The following ADIPOR2 variants were observed in gnomAD, a reference collection of about 807,000 sequenced individuals.
The protein encoded by ADIPOR2 is adiponectin receptor protein 2.
ADIPOR2 carries 18 observed loss-of-function variants against 40.9 expected under a neutral mutation model. The observed-to-expected ratio is 0.44, with a 90% confidence interval of 0.30 to 0.65. The LOEUF is 0.65. ADIPOR2 is among the 30% of genes least tolerant of loss of function. The pLI is 0.09. For missense variants in ADIPOR2, 283 were observed against 479.2 expected, an observed-to-expected ratio of 0.59 and a Z score of 3.82; for synonymous variants, 165 against 166.4, an observed-to-expected ratio of 0.99 and a Z score of 0.06.
At chr12:1,718,007 A>G (rs2094691000) in intron 1 of ADIPOR2, among the ~76,000 whole-genome samples, 1 of 152,150 alleles carries the variant, frequency 6.6e-6, no homozygotes, top group Non-Finnish European at 1.5e-5. Context: ...AACTATAGTC[A>G]ATATATAGAT....
intron 1 of ADIPOR2, among the ~76,000 whole-genome samples, chr12:1,711,628 CTCTCTCTCTCTCTT>C (rs1458411436): frequency 0.028 from 4,003 of 144,186 alleles, 196 homozygotes; most frequent in African/African-American, 0.092. Context: ...CTCTCTCTCT[CTCTCTCTCTCTCTT>C]TCTCTCTTTC....
At chr12:1,748,450 G>A (rs373571192) in intron 1 of ADIPOR2, among the ~76,000 whole-genome samples, 29 of 151,972 alleles carry the variant, frequency 1.9e-4, no homozygotes, top group African/African-American at 2.4e-4. Context: ...GGGTTTCACC[G>A]TGTTAGCCAG....
At chr12:1,751,941 TG>T (rs1314880641) in intron 1 of ADIPOR2, among the ~76,000 whole-genome samples, 1 of 151,206 alleles carries the variant, frequency 6.6e-6, no homozygotes, top group African/African-American at 2.4e-5. Flanking sequence ...TTTTTTGAGA[TG>T]GAGTTGCCAG....
At chr12:1,767,046 G>A (rs1169814831) in intron 2 of ADIPOR2, among the ~76,000 whole-genome samples, 5 of 151,920 alleles carry the variant, frequency 3.3e-5, no homozygotes, top group African/African-American at 9.7e-5. Flanking sequence ...GAGGCGGGTG[G>A]ATCACCTGAG....
chr12:1,712,737 A>C (rs773830410), intron 1 of ADIPOR2, among the ~76,000 whole-genome samples: 1 of 152,054 alleles, frequency 6.6e-6, no homozygotes, highest in African/African-American at 2.4e-5. Flanking sequence ...TGCTGTATCC[A>C]GGGATCTGTA....
At chr12:1,695,248 G>T (rs1221369645) in intron 1 of ADIPOR2, among the ~76,000 whole-genome samples, 1 of 151,860 alleles carries the variant, frequency 6.6e-6, no homozygotes, top group Non-Finnish European at 1.5e-5. Context: ...CCAGCTACTT[G>T]GGAGGTTGAG....
intron 2 of ADIPOR2, among the ~76,000 whole-genome samples, chr12:1,766,518 G>A (rs543128538): frequency 5.9e-5 from 9 of 152,280 alleles, no homozygotes; most frequent in African/African-American, 2.2e-4. Flanking sequence ...GTAATGTTGT[G>A]TACTGGTTGA....
At chr12:1,734,663 A>G (rs935643002) in intron 1 of ADIPOR2, among the ~76,000 whole-genome samples, 2 of 152,218 alleles carry the variant, frequency 1.3e-5, no homozygotes, top group African/African-American at 2.4e-5. Flanking sequence ...TGTTTTAGAC[A>G]TGAAGTCCTT....
chr12:1,712,434 C>T (rs886545202), intron 1 of ADIPOR2, among the ~76,000 whole-genome samples: 15 of 152,042 alleles, frequency 9.9e-5, no homozygotes, highest in African/African-American at 3.6e-4. Flanking sequence ...ATTTTGATAG[C>T]CTCTGATATA....
At chr12:1,717,709 GA>G (rs35793748) in intron 1 of ADIPOR2, among the ~76,000 whole-genome samples, 30 of 145,018 alleles carry the variant, frequency 2.1e-4, no homozygotes, top group Admixed American at 4.1e-4. Context: ...CCATCTTAAG[GA>G]AAAAAAAAAA....
intron 2 of ADIPOR2, among the ~76,000 whole-genome samples, chr12:1,760,125 A>T (rs530739870): frequency 6.6e-6 from 1 of 151,916 alleles, no homozygotes; most frequent in East Asian, 1.9e-4. Flanking sequence ...CCAGTGCCTA[A>T]TTTTTTTTGA....
chr12:1,723,551 G>T (rs978230787), intron 1 of ADIPOR2, among the ~76,000 whole-genome samples: 2 of 151,380 alleles, frequency 1.3e-5, no homozygotes, highest in Non-Finnish European at 2.9e-5. Flanking sequence ...ACTGTCGGAA[G>T]AATTGCTTGA....
intron 1 of ADIPOR2, among the ~76,000 whole-genome samples, chr12:1,733,086 C>T (rs1462542185): frequency 1.3e-5 from 2 of 152,118 alleles, no homozygotes; most frequent in Non-Finnish European, 1.5e-5. Context: ...GCTTTCTAGA[C>T]AAGAGTAGCA....
intron 1 of ADIPOR2, among the ~76,000 whole-genome samples, chr12:1,706,070 A>G (rs766283965): frequency 3.3e-5 from 5 of 152,180 alleles, no homozygotes; most frequent in Non-Finnish European, 7.4e-5. Context: ...ACCTTCTCCT[A>G]CAGAGAGATA....
At chr12:1,784,126 C>T (rs1592635978) in intron 7 of ADIPOR2, 53 bp downstream of exon 7, 1 of 1,451,768 alleles carries the variant, frequency 6.9e-7, no homozygotes, top group East Asian at 2.5e-5. Flanking sequence ...GAGTTATTGG[C>T]ATCCTGCAGA....
chr12:1,748,505 C>T (rs180695887), intron 1 of ADIPOR2, among the ~76,000 whole-genome samples: 81 of 152,262 alleles, frequency 5.3e-4, no homozygotes, highest in African/African-American at 1.9e-3. Context: ...ACCTCGGCCT[C>T]CCAAAGTGCT....
intron 1 of ADIPOR2, among the ~76,000 whole-genome samples, chr12:1,715,503 G>A (rs189884494): frequency 3.5e-4 from 53 of 152,174 alleles, no homozygotes; most frequent in Non-Finnish European, 6.8e-4. Context: ...TTTGTTCCCC[G>A]CTACCCTCTC....
At chr12:1,752,279 G>A (rs2094771146) in intron 1 of ADIPOR2, among the ~76,000 whole-genome samples, 1 of 118,118 alleles carries the variant, frequency 8.5e-6, no homozygotes, top group Non-Finnish European at 1.6e-5. Context: ...TGTTGCCCAG[G>A]CTGGAGTGCA....
At position 1,754,376 on chromosome 12, in the gene ADIPOR2, C is replaced by T. The variant is rs774950020; in HGVS notation, c.33C>T (p.Cys11=). The part of the protein sequence containing the change: MNEPTENRLG[C]SRTPEPDIRL... ...AGCCAACAGAAAACCGATTGGGGTG[C>T]AGCAGGACTCCAGAGCCAGATATAA... is the stretch of plus-strand genomic sequence containing the variant. The change falls in exon 2 of 8, where the codon TGC becomes TGT. Residue 11 remains cysteine (C), a synonymous_variant. Transcript: ENST00000357103. 2 of 1,611,328 alleles carry T rather than the reference C, an allele frequency of 1.2e-6. No homozygotes were observed. The highest frequency in any genetic ancestry group is 2.2e-5 in the East Asian group (1 of 44,764).
Sources: allele counts gnomAD v4.1 joint callset (sites outside exome capture counted in the v4.1 genomes callset), GRCh38; gene constraint gnomAD v4.1.1; transcripts MANE v1.5; gene names NCBI Gene and HGNC (gene_info 2026-07-23, HGNC 2026-07-21).